Variants in RIC8B observed in about 807,000 individuals in gnomAD.
RIC8B encodes the protein RIC8 guanine nucleotide exchange factor B, also known as chaperone Ric-8B.
In RIC8B, 16 loss-of-function variants were observed where a neutral mutation model predicts 57.5. The ratio of observed to expected loss-of-function variants is 0.28; its 90% CI spans 0.19 to 0.42. RIC8B has a LOEUF of 0.42. Ranked by LOEUF, RIC8B falls within the 10% of genes least tolerant of loss-of-function variation. The probability of loss-of-function intolerance (pLI) is 1.00; values close to 1 mark genes in which losing one functional copy is unlikely to be tolerated. For missense variants in RIC8B, 481 were observed against 677.0 expected, an observed-to-expected ratio of 0.71 and a Z score of 3.21; for synonymous variants, 216 against 250.8, an observed-to-expected ratio of 0.86 and a Z score of 1.31.
intron 1 of RIC8B, among the ~76,000 whole-genome samples, chr12:106,778,588 C>A (rs529595856): frequency 6.6e-6 from 1 of 152,212 alleles, no homozygotes; most frequent in African/African-American, 2.4e-5. Flanking sequence ...TATATTAATC[C>A]TCTTATATTA....
rs527926791 is a variant in RIC8B, at chr12:106,858,738, C to T, written c.1307-1530C>T. On this transcript the variant is annotated intron_variant, in intron 7 of 9. Transcript: ENST00000392837. ...CAACATCATTTAATATACTCATTAG[C>T]CCATGTTTCCTTTTGCACAAATTTC... Among the ~76,000 whole-genome samples the T allele has an allele frequency of 2.6e-5, 4 of 152,080 alleles. No homozygotes were observed. In the East Asian group the frequency reaches 7.7e-4, roughly 29 times the overall value.
intron 2 of RIC8B, among the ~76,000 whole-genome samples, chr12:106,799,299 G>A (rs1022780385): frequency 1.3e-5 from 2 of 152,086 alleles, no homozygotes; most frequent in African/African-American, 2.4e-5. Flanking sequence ...TTGTCCATCT[G>A]GCCATCTTTA....
intron 2 of RIC8B, among the ~76,000 whole-genome samples, chr12:106,802,088 A>G (rs937570153): frequency 6.6e-6 from 1 of 152,234 alleles, no homozygotes; most frequent in African/African-American, 2.4e-5. Context: ...GGGAAACATC[A>G]TCCATCCAAG....
chr12:106,837,625 T>A (rs2046664744), intron 4 of RIC8B, among the ~76,000 whole-genome samples: 1 of 150,458 alleles, frequency 6.6e-6, no homozygotes, highest in Non-Finnish European at 1.5e-5. Context: ...TTTATTTACA[T>A]CTGAAAATCT....
intron 4 of RIC8B, among the ~76,000 whole-genome samples, chr12:106,836,539 C>T (rs960882934): frequency 1.3e-5 from 2 of 152,170 alleles, no homozygotes; most frequent in Admixed American, 1.3e-4. Flanking sequence ...TTTTCACTTG[C>T]TAAGGCTAGA....
At chr12:106,856,846 T>C (rs896475897) in intron 7 of RIC8B, among the ~76,000 whole-genome samples, 2 of 152,124 alleles carry the variant, frequency 1.3e-5, no homozygotes, top group African/African-American at 2.4e-5. Flanking sequence ...CAGGGTCCCA[T>C]TTAAAGGAGT....
At chr12:106,861,379 G>A (rs551256790) in intron 8 of RIC8B, among the ~76,000 whole-genome samples, 1 of 152,146 alleles carries the variant, frequency 6.6e-6, no homozygotes. Flanking sequence ...CAAGTAATGG[G>A]TTGTCAGAAG....
At chr12:106,800,628 A>G (rs2044690853) in intron 2 of RIC8B, among the ~76,000 whole-genome samples, 2 of 152,166 alleles carry the variant, frequency 1.3e-5, no homozygotes, top group Non-Finnish European at 2.9e-5. Flanking sequence ...CATGGGACAC[A>G]AACATACAGT....
At chr12:106,813,187 C>CTT (rs35584850) in intron 2 of RIC8B, among the ~76,000 whole-genome samples, 3,294 of 98,640 alleles carry the variant, frequency 0.033, 96 homozygotes, top group Middle Eastern at 0.044. Flanking sequence ...AATACTATGC[C>CTT]TTTTTTTTTT....
At chr12:106,884,533 C>G (rs987372388) in intron 9 of RIC8B, among the ~76,000 whole-genome samples, 1 of 152,172 alleles carries the variant, frequency 6.6e-6, no homozygotes, top group Non-Finnish European at 1.5e-5. Flanking sequence ...TAAATGATCT[C>G]TCAGACCCCT....
rs193152288 is a variant in RIC8B at position 106,783,448 on chromosome 12, C to T, written c.85-549C>T. Reference sequence around the variant, plus strand: ...ATCAAACCATCAAGTCTTCCCTATCCACAGTTCTCTGATGATTTCTTATTG... The same window carrying T: ...ATCAAACCATCAAGTCTTCCCTATCTACAGTTCTCTGATGATTTCTTATTG... On this transcript the variant is annotated intron_variant, in intron 1 of 9. Coordinates refer to ENST00000392837, the MANE Select transcript of RIC8B (RefSeq NM_001330145.2). Among the ~76,000 whole-genome samples, 11 of 152,244 alleles carry T rather than the reference C, an allele frequency of 7.2e-5. No individual in the cohort carries two copies. The East Asian group carries it at 1.4e-3, about 19-fold the overall frequency.
intron 2 of RIC8B, among the ~76,000 whole-genome samples, chr12:106,786,132 C>G (rs1313635007): frequency 6.7e-6 from 1 of 149,146 alleles, no homozygotes; most frequent in Non-Finnish European, 1.5e-5. Flanking sequence ...CACATTTGGC[C>G]CAAGGTGTAT....
At chr12:106,809,742 A>G (rs752869509) in intron 2 of RIC8B, among the ~76,000 whole-genome samples, 6 of 152,104 alleles carry the variant, frequency 3.9e-5, no homozygotes, top group Non-Finnish European at 5.9e-5. Context: ...GGTACATGTG[A>G]TACTTTGACA....
chr12:106,810,964 C>T (rs2045311736), intron 2 of RIC8B, among the ~76,000 whole-genome samples: 1 of 152,144 alleles, frequency 6.6e-6, no homozygotes, highest in Non-Finnish European at 1.5e-5. Context: ...GATTTGCATA[C>T]AAACAATTTA....
At chr12:106,883,730 T>C (rs1282267616) in intron 9 of RIC8B, among the ~76,000 whole-genome samples, 1 of 151,766 alleles carries the variant, frequency 6.6e-6, no homozygotes, top group Non-Finnish European at 1.5e-5. Flanking sequence ...CCCTAATGAC[T>C]TGTCTATCTG....
At chr12:106,784,751 A>G (rs1006227921) in intron 2 of RIC8B, among the ~76,000 whole-genome samples, 3 of 152,206 alleles carry the variant, frequency 2.0e-5, no homozygotes, top group Non-Finnish European at 2.9e-5. Flanking sequence ...GAATCAGTGT[A>G]AATCTATCAC....
chr12:106,885,135 A>G (rs974825741), intron 9 of RIC8B, among the ~76,000 whole-genome samples: 1 of 152,174 alleles, frequency 6.6e-6, no homozygotes, highest in African/African-American at 2.4e-5. Context: ...ATCTTTCCTA[A>G]TGCTTTTTGA....
intron 2 of RIC8B, among the ~76,000 whole-genome samples, chr12:106,785,703 T>C (rs1378755457): frequency 6.6e-6 from 1 of 151,954 alleles, no homozygotes; most frequent in African/African-American, 2.4e-5. Context: ...GGAGAGCTTT[T>C]TCAAAATAGC....
At chr12:106,806,704 C>G (rs114813421) in intron 2 of RIC8B, among the ~76,000 whole-genome samples, 1,995 of 152,120 alleles carry the variant, frequency 0.013, 52 homozygotes, top group African/African-American at 0.046. Flanking sequence ...GTGGTGCGCG[C>G]GTGTAATCCC....
Sources: allele counts gnomAD v4.1 joint callset (sites outside exome capture counted in the v4.1 genomes callset), GRCh38; gene constraint gnomAD v4.1.1; transcripts MANE v1.5; gene names NCBI Gene and HGNC (gene_info 2026-07-23, HGNC 2026-07-21).